The following ABTB3 variants were observed in gnomAD, a reference collection of about 807,000 sequenced individuals.
The protein encoded by ABTB3 is ankyrin repeat- and BTB/POZ domain-containing protein 3.
the ABTB3 span, among the ~76,000 whole-genome samples, chr12:107,635,861 CCCA>C: frequency 1.2e-5 from 1 of 86,338 alleles, no homozygotes; most frequent in Non-Finnish European, 2.7e-5. Flanking sequence ...CCCCCCCCCC[CCCA>C]CCCACCCACA....
the ABTB3 span, among the ~76,000 whole-genome samples, chr12:107,638,065 TGGATCATTTCAGA>T: frequency 1.3e-5 from 2 of 152,122 alleles, no homozygotes; most frequent in Non-Finnish European, 2.9e-5. Flanking sequence ...TCCCTTTATC[TGGATCATTTCAGA>T]AGTTCTGGGG....
the ABTB3 span, chr12:107,657,742 C>T: frequency 6.2e-7 from 1 of 1,610,314 alleles, no homozygotes; most frequent in Non-Finnish European, 8.5e-7. Context: ...GGGAATGCTT[C>T]CCGGGAACTT....
the ABTB3 span, among the ~76,000 whole-genome samples, chr12:107,421,054 G>C: frequency 6.6e-6 from 1 of 152,182 alleles, no homozygotes; most frequent in African/African-American, 2.4e-5. Flanking sequence ...TCTACTGAAG[G>C]ATTATTGTTT....
chr12:107,482,776 CCCTT>C, the ABTB3 span, among the ~76,000 whole-genome samples: 1,656 of 151,166 alleles, frequency 0.011, 26 homozygotes, highest in African/African-American at 0.037. Flanking sequence ...TTGCCTTCCT[CCCTT>C]CCTTCCTTCC....
At chr12:107,398,934 C>A in the ABTB3 span, among the ~76,000 whole-genome samples, 1 of 152,172 alleles carries the variant, frequency 6.6e-6, no homozygotes, top group Non-Finnish European at 1.5e-5. Context: ...CCTAGACAAG[C>A]TATACTGGCA....
At chr12:107,616,223 A>G in the ABTB3 span, among the ~76,000 whole-genome samples, 1 of 152,206 alleles carries the variant, frequency 6.6e-6, no homozygotes, top group Non-Finnish European at 1.5e-5. Flanking sequence ...CGACCTTTAA[A>G]TCAGGAATGG....
chr12:107,358,408 G>T, the ABTB3 span, among the ~76,000 whole-genome samples: 1 of 152,162 alleles, frequency 6.6e-6, no homozygotes. Context: ...AATGTGTCTG[G>T]TGTGTTTGTA....
At chr12:107,527,584 T>G in the ABTB3 span, among the ~76,000 whole-genome samples, 5 of 148,950 alleles carry the variant, frequency 3.4e-5, no homozygotes, top group Non-Finnish European at 6.0e-5. Context: ...GAGTTTTTGT[T>G]TTTTTTTTTT....
chr12:107,351,169 G>A, the ABTB3 span, among the ~76,000 whole-genome samples: 1 of 152,188 alleles, frequency 6.6e-6, no homozygotes, highest in East Asian at 1.9e-4. Flanking sequence ...TCTGCCAAGG[G>A]GCTTTTCATA....
At chr12:107,540,399 A>G in the ABTB3 span, among the ~76,000 whole-genome samples, 17 of 152,192 alleles carry the variant, frequency 1.1e-4, no homozygotes, top group African/African-American at 4.1e-4. Flanking sequence ...CTGGGTGAGG[A>G]CAGGTCTTCC....
chr12:107,630,242 C>G, the ABTB3 span, among the ~76,000 whole-genome samples: 1 of 152,210 alleles, frequency 6.6e-6, no homozygotes, highest in Admixed American at 6.5e-5. Context: ...TCCCGGGAAC[C>G]AGCCAGTGCT....
chr12:107,466,749 TG>T, the ABTB3 span, among the ~76,000 whole-genome samples: 4 of 152,044 alleles, frequency 2.6e-5, no homozygotes, highest in African/African-American at 9.7e-5. Flanking sequence ...AAGGTGTTTC[TG>T]GAGAGTTTAA....
chr12:107,435,780 T>G, the ABTB3 span, among the ~76,000 whole-genome samples: 1 of 152,212 alleles, frequency 6.6e-6, no homozygotes, highest in African/African-American at 2.4e-5. Flanking sequence ...TTCCTTGGGA[T>G]GTAATTCCTG....
At chr12:107,546,509 C>G in the ABTB3 span, among the ~76,000 whole-genome samples, 3 of 152,350 alleles carry the variant, frequency 2.0e-5, no homozygotes, top group South Asian at 6.2e-4. Context: ...TATTCCTTCC[C>G]TGCTAGACCA....
At chr12:107,542,372 C>G in the ABTB3 span, among the ~76,000 whole-genome samples, 1 of 150,860 alleles carries the variant, frequency 6.6e-6, no homozygotes, top group Non-Finnish European at 1.5e-5. Context: ...AAGTACGCAA[C>G]ATATTCTGGT....
the ABTB3 span, among the ~76,000 whole-genome samples, chr12:107,545,702 C>A: frequency 6.6e-6 from 1 of 152,082 alleles, no homozygotes; most frequent in African/African-American, 2.4e-5. Flanking sequence ...GCAAACATGC[C>A]CCAAATGGAG....
the ABTB3 span, among the ~76,000 whole-genome samples, chr12:107,481,466 G>A: frequency 7.2e-5 from 11 of 152,278 alleles, no homozygotes; most frequent in Middle Eastern, 3.4e-3. Flanking sequence ...TGGGTCACTG[G>A]TTGTGGTCCT....
At chr12:107,400,119 G>T in the ABTB3 span, among the ~76,000 whole-genome samples, 1 of 152,286 alleles carries the variant, frequency 6.6e-6, no homozygotes, top group African/African-American at 2.4e-5. Context: ...CCAAGTCTTT[G>T]CTATTATGAA....
the ABTB3 span, among the ~76,000 whole-genome samples, chr12:107,368,418 GA>G: frequency 2.0e-5 from 3 of 152,210 alleles, no homozygotes; most frequent in Admixed American, 6.5e-5. Flanking sequence ...GGAGACACTG[GA>G]AATATTTGGT....
Sources: gnomAD v4.1 joint callset for allele counts (sites outside exome capture counted in the v4.1 genomes callset) on GRCh38, gnomAD v4.1.1 for gene constraint, MANE v1.5 for transcripts, NCBI Gene and HGNC (gene_info 2026-07-23, HGNC 2026-07-21) for gene names.